EXOC4: variants seen among roughly 807,000 people sequenced by gnomAD.
The protein encoded by EXOC4 is SEC8-like 1.
EXOC4 carries 71 observed loss-of-function variants against 107.2 expected under a neutral mutation model. The ratio of observed to expected loss-of-function variants is 0.66; its 90% CI spans 0.55 to 0.81. EXOC4 has a LOEUF of 0.81. EXOC4 is among the 30% of genes least tolerant of loss of function. The pLI, the probability that EXOC4 is intolerant of heterozygous loss-of-function variation, is 0.00. For synonymous variants in EXOC4, 456 were observed against 441.2 expected, an observed-to-expected ratio of 1.03 and a Z score of -0.42; for missense variants, 1,108 against 1,189.6, an observed-to-expected ratio of 0.93 and a Z score of 1.01.
chr7:133,628,153 T>C (rs1802502880), intron 9 of EXOC4, among the ~76,000 whole-genome samples: 1 of 152,226 alleles, frequency 6.6e-6, no homozygotes, highest in South Asian at 2.1e-4. Context: ...ATAGTAGCCA[T>C]CTTTCCTGCT....
intron 5 of EXOC4, among the ~76,000 whole-genome samples, chr7:133,321,253 T>C (rs1327126226): frequency 6.6e-6 from 1 of 152,116 alleles, no homozygotes; most frequent in Non-Finnish European, 1.5e-5. Flanking sequence ...TGTCCTATTT[T>C]GAGGTAGAGT....
chr7:134,038,941 A>G (rs573594652), intron 17 of EXOC4, among the ~76,000 whole-genome samples: 1 of 152,342 alleles, frequency 6.6e-6, no homozygotes, highest in African/African-American at 2.4e-5. Context: ...ATGTAAAGAG[A>G]TACCCATGTG....
intron 1 of EXOC4, among the ~76,000 whole-genome samples, chr7:133,270,019 G>A (rs1450387102): frequency 6.6e-6 from 1 of 152,100 alleles, no homozygotes; most frequent in Admixed American, 6.5e-5. Flanking sequence ...GCGTGTCGTG[G>A]GAGCAACTCA....
chr7:133,545,657 A>G (rs533726954), intron 9 of EXOC4, among the ~76,000 whole-genome samples: 1 of 152,320 alleles, frequency 6.6e-6, no homozygotes, highest in African/African-American at 2.4e-5. Context: ...CATTTTCAAT[A>G]TTAAAGAGTC....
At chr7:133,444,042 C>T (rs1798163938) in intron 7 of EXOC4, among the ~76,000 whole-genome samples, 1 of 152,098 alleles carries the variant, frequency 6.6e-6, no homozygotes, top group Non-Finnish European at 1.5e-5. Flanking sequence ...GTACTGATAT[C>T]CTGGCCCAAA....
intron 12 of EXOC4, among the ~76,000 whole-genome samples, chr7:133,906,162 A>G (rs1325949109): frequency 6.6e-6 from 1 of 152,160 alleles, no homozygotes; most frequent in East Asian, 1.9e-4. Context: ...ACTGTGCTAA[A>G]TAGCACAGAC....
At chr7:133,979,688 T>C (rs1052930405) in intron 14 of EXOC4, among the ~76,000 whole-genome samples, 3 of 151,722 alleles carry the variant, frequency 2.0e-5, no homozygotes, top group African/African-American at 7.3e-5. Context: ...CTCGGGAGGC[T>C]GAGGCAGGAG....
chr7:133,498,806 C>A (rs1232971086), intron 9 of EXOC4, among the ~76,000 whole-genome samples: 1 of 152,162 alleles, frequency 6.6e-6, no homozygotes, highest in Non-Finnish European at 1.5e-5. Context: ...GATTTAGCCA[C>A]CACTACGTGC....
At chr7:133,474,250 G>T (rs1017555901) in intron 7 of EXOC4, among the ~76,000 whole-genome samples, 2 of 152,094 alleles carry the variant, frequency 1.3e-5, no homozygotes, top group Non-Finnish European at 2.9e-5. Context: ...TTTGCCTTGT[G>T]ATAATTCTTA....
intron 16 of EXOC4, among the ~76,000 whole-genome samples, chr7:134,006,237 A>G (rs1794640047): frequency 6.6e-6 from 1 of 151,876 alleles, no homozygotes; most frequent in Non-Finnish European, 1.5e-5. Context: ...ATTCTCTACA[A>G]ACAGCATACC....
chr7:133,672,260 G>A (rs1353982496), intron 10 of EXOC4, among the ~76,000 whole-genome samples: 10 of 151,732 alleles, frequency 6.6e-5, no homozygotes, highest in South Asian at 2.1e-4. Flanking sequence ...GCGTGGTGGC[G>A]GGCACCTGTA....
At chr7:133,877,047 A>G (rs1242007033) in intron 11 of EXOC4, among the ~76,000 whole-genome samples, 2 of 151,122 alleles carry the variant, frequency 1.3e-5, no homozygotes, top group African/African-American at 2.4e-5. Context: ...GTGTATATTA[A>G]GCTGCCTGAT....
intron 10 of EXOC4, among the ~76,000 whole-genome samples, chr7:133,702,655 C>T (rs1794691651): frequency 6.6e-6 from 1 of 151,862 alleles, no homozygotes; most frequent in Non-Finnish European, 1.5e-5. Context: ...TGAGAAGAAA[C>T]ATCAGAAGCA....
chr7:133,828,291 G>A (rs995940817), intron 11 of EXOC4, among the ~76,000 whole-genome samples: 1 of 152,180 alleles, frequency 6.6e-6, no homozygotes, highest in African/African-American at 2.4e-5. Context: ...AAGAGGAAGA[G>A]CGTCCCATTG....
chr7:133,911,841 G>T (rs1196055902), intron 12 of EXOC4, among the ~76,000 whole-genome samples: 1 of 152,150 alleles, frequency 6.6e-6, no homozygotes, highest in Non-Finnish European at 1.5e-5. Context: ...CTGTGGAACA[G>T]AATTTGACCT....
At chr7:133,901,199 T>G (rs1799444341) in intron 12 of EXOC4, among the ~76,000 whole-genome samples, 1 of 152,216 alleles carries the variant, frequency 6.6e-6, no homozygotes, top group African/African-American at 2.4e-5. Flanking sequence ...AGTCACCATT[T>G]CAGCCTATTG....
chr7:133,521,124 C>T (rs540813480), intron 9 of EXOC4, among the ~76,000 whole-genome samples: 4 of 152,132 alleles, frequency 2.6e-5, no homozygotes, highest in Admixed American at 1.3e-4. Context: ...ACGTTTGTAT[C>T]TGTCAGGCTT....
chr7:133,918,986 G>A (rs1466740336), intron 13 of EXOC4, among the ~76,000 whole-genome samples: 1 of 152,118 alleles, frequency 6.6e-6, no homozygotes, highest in African/African-American at 2.4e-5. Flanking sequence ...TGCTCACAAA[G>A]TTAACCTATA....
intron 10 of EXOC4, among the ~76,000 whole-genome samples, chr7:133,749,036 A>G (rs1323616573): frequency 6.6e-6 from 1 of 152,206 alleles, no homozygotes; most frequent in African/African-American, 2.4e-5. Context: ...TGGATAGGCA[A>G]CATGTAAAAA....
Sources: allele counts gnomAD v4.1 joint callset (sites outside exome capture counted in the v4.1 genomes callset), GRCh38; gene constraint gnomAD v4.1.1; transcripts MANE v1.5; gene names NCBI Gene and HGNC (gene_info 2026-07-23, HGNC 2026-07-21).